Variants in CFAP92 observed in about 807,000 individuals in gnomAD.
CFAP92 encodes cilia and flagella associated protein 92 (putative).
A neutral mutation model predicts 106.3 loss-of-function variants in CFAP92; 86 were observed. The observed-to-expected ratio is 0.81, with a 90% CI of 0.68 to 0.97. The LOEUF is 0.97. Among genes scored for constraint, CFAP92 ranks in the 50% least tolerant of loss-of-function variants. The probability of loss-of-function intolerance (pLI) is 0.00; values close to 1 mark genes in which losing one functional copy is unlikely to be tolerated. For synonymous variants in CFAP92, 477 were observed against 506.4 expected (o/e 0.94, Z 0.78); for missense variants, 1,204 against 1,283.8 (o/e 0.94, Z 0.95).
the CFAP92 span, among the ~76,000 whole-genome samples, chr3:129,008,895 C>T: frequency 6.6e-6 from 1 of 152,106 alleles, no homozygotes; most frequent in South Asian, 2.1e-4. Context: ...CTGGTCTCCA[C>T]TCACATGACC....
intron 9 of CFAP92, among the ~76,000 whole-genome samples, chr3:128,948,007 T>C (rs1940402582): frequency 2.6e-5 from 4 of 152,044 alleles, no homozygotes. Context: ...TTGGACTTCA[T>C]CAAAATTAAA....
the CFAP92 span, among the ~76,000 whole-genome samples, chr3:129,009,331 C>A: frequency 4.6e-5 from 7 of 152,184 alleles, no homozygotes; most frequent in African/African-American, 1.4e-4. Context: ...CAGGTACTCA[C>A]GTAGTGTTAC....
At chr3:128,965,470 G>A (rs1489433635) in intron 9 of CFAP92, 41 bp downstream of exon 9, 6 of 398,794 alleles carry the variant, frequency 1.5e-5, no homozygotes, top group African/African-American at 2.1e-5. Flanking sequence ...GTGGGTGGAA[G>A]GGGAGGAGCT....
At chr3:129,009,345 G>A in the CFAP92 span, among the ~76,000 whole-genome samples, 6 of 152,178 alleles carry the variant, frequency 3.9e-5, no homozygotes, top group Non-Finnish European at 8.8e-5. Flanking sequence ...GTGTTACCAC[G>A]ATATACTGAA....
the CFAP92 span, among the ~76,000 whole-genome samples, chr3:129,018,657 T>C: frequency 5.3e-5 from 8 of 152,192 alleles, no homozygotes; most frequent in African/African-American, 1.2e-4. Flanking sequence ...GGATTCCTCA[T>C]GTATTCTGAG....
intron 6 of CFAP92, among the ~76,000 whole-genome samples, chr3:128,976,768 G>A (rs573486080): frequency 1.3e-5 from 2 of 152,274 alleles, no homozygotes; most frequent in Non-Finnish European, 2.9e-5. Flanking sequence ...TCATTATGAG[G>A]ATCAAATGAG....
At chr3:128,920,515 A>C (rs551450071) in intron 12 of CFAP92, among the ~76,000 whole-genome samples, 9 of 152,304 alleles carry the variant, frequency 5.9e-5, no homozygotes, top group African/African-American at 2.2e-4. Flanking sequence ...AATTGAAGAA[A>C]TCATCATTAA....
In CFAP92 at chr3:128,976,002, T is replaced by A. The variant is rs557795165; in HGVS notation, c.897-99A>T. The A allele has an allele frequency of 2.0e-5, 25 of 1,243,688 alleles. No homozygotes were observed. The East Asian group carries it at 6.5e-4, about 32-fold the overall frequency. The allele number at this position is 1,243,688 out of a possible 1,614,324, so 77.0% of individuals were successfully genotyped here. ...GATGGACTAAATGAGAGCAGATTTTTTAAAAACCTCATAGTGCATTCCTCT... is the reference window on the plus strand; with the variant it reads ...GATGGACTAAATGAGAGCAGATTTTATAAAAACCTCATAGTGCATTCCTCT... On this transcript the variant is annotated intron_variant, in intron 6 of 15. Transcript: ENST00000645291.
At chr3:128,927,943 A>G (rs890756070) in intron 12 of CFAP92, among the ~76,000 whole-genome samples, 10 of 152,184 alleles carry the variant, frequency 6.6e-5, no homozygotes, top group African/African-American at 2.4e-4. Context: ...GTTTTTCCCA[A>G]ATCAATCTAT....
At chr3:128,989,087 G>A (rs1038291008) in intron 2 of CFAP92, among the ~76,000 whole-genome samples, 169 bp from the exon 3 acceptor site, 4 of 152,106 alleles carry the variant, frequency 2.6e-5, no homozygotes, top group South Asian at 2.1e-4. Context: ...AGAGTAGCAC[G>A]ACCTGGACTG....
chr3:129,001,154 G>T (rs1944714970), intron 1 of CFAP92, among the ~76,000 whole-genome samples: 1 of 152,340 alleles, frequency 6.6e-6, no homozygotes, highest in East Asian at 1.9e-4. Context: ...CCAGCAACCG[G>T]ACGAGGCCGC....
At chr3:128,980,381 A>T (rs569647786) in intron 4 of CFAP92, among the ~76,000 whole-genome samples, 1 of 151,688 alleles carries the variant, frequency 6.6e-6, no homozygotes, top group African/African-American at 2.4e-5. Flanking sequence ...AAAAAAAAAA[A>T]AAAAAAGCTA....
intron 12 of CFAP92, among the ~76,000 whole-genome samples, chr3:128,921,322 C>T (rs1231971036): frequency 2.6e-5 from 4 of 152,202 alleles, no homozygotes; most frequent in Admixed American, 6.5e-5. Flanking sequence ...GCTGAGCACT[C>T]GGAAGGACCA....
At chr3:128,916,028 C>T (rs1936787741) in intron 13 of CFAP92, 79 bp downstream of exon 13, 1 of 1,061,796 alleles carries the variant, frequency 9.4e-7, no homozygotes. Flanking sequence ...AGATCCCCCA[C>T]TGACCTCCAG....
the CFAP92 span, among the ~76,000 whole-genome samples, chr3:129,023,850 C>T: frequency 6.6e-6 from 1 of 152,210 alleles, no homozygotes; most frequent in Non-Finnish European, 1.5e-5. Flanking sequence ...TTCCACAGGA[C>T]AAAGCTGATA....
rs565330531 is a variant in CFAP92, at chr3:128,977,922, C to T, written c.808+123G>A. On this transcript the variant is annotated intron_variant, in intron 5 of 15. Coordinates refer to ENST00000645291, the MANE Select transcript of CFAP92 (RefSeq NM_001394090.1). ...GCCGTGTGGCAGGGTGAGCCCCGCCCGCCTCTGCTGCCAATACACAGGAGG... is the reference window on the plus strand; with the variant it reads ...GCCGTGTGGCAGGGTGAGCCCCGCCTGCCTCTGCTGCCAATACACAGGAGG... 8.0e-5 allele frequency: 100 copies of T among 1,243,940 alleles called. No individual in the cohort carries two copies. The African/African-American group carries it at 1.2e-3, about 15-fold the overall frequency. The allele number at this position is 1,243,940 out of a possible 1,614,324, so 77.1% of individuals were successfully genotyped here.
At position 128,939,541 on chromosome 3, in the gene CFAP92, CCAT is replaced by C. The variant is rs369719536; in HGVS notation, c.2259-4225_2259-4223del. 4.8e-3 allele frequency among the ~76,000 whole-genome samples: 724 copies of C among 152,200 alleles called. 3 individuals are homozygous for C. Among genetic ancestry groups the C allele is most frequent in the African/African-American group, 0.016 (671 of 41,528 alleles). On this transcript the variant is annotated intron_variant, in intron 10 of 15. Coordinates refer to ENST00000645291, the MANE Select transcript of CFAP92 (RefSeq NM_001394090.1). ...CATCTATTTAGTGCAACCACCACCACCATCATCAATTTTAGAACATCTCATCAC... is the reference window on the plus strand; with the variant it reads ...CATCTATTTAGTGCAACCACCACCACCATCAATTTTAGAACATCTCATCAC...
At position 128,945,154 on chromosome 3, in the gene CFAP92, C is replaced by T; in HGVS notation, c.2175G>A (p.Leu725=). ...TGAAAAGGTGTGTCTTCCCGTCCAG[C>T]AGGTGGAAGCCAGTGAGCACATCCA... The part of the protein sequence containing the change: ...QHLDVLTGFH[L]LDGKTHLFIL... The change falls in exon 10 of 16, where the codon CTG becomes CTA. Residue 725 remains leucine (L), a synonymous_variant. Transcript: ENST00000645291. 6.5e-7 allele frequency: 1 copy of T among 1,536,152 alleles called. No homozygotes were observed. Among genetic ancestry groups the T allele is most frequent in the Non-Finnish European group, 8.7e-7 (1 of 1,146,898 alleles).
intron 12 of CFAP92, among the ~76,000 whole-genome samples, chr3:128,925,458 C>G (rs938182193): frequency 6.6e-6 from 1 of 151,964 alleles, no homozygotes; most frequent in Non-Finnish European, 1.5e-5. Context: ...GGGTTGGGGA[C>G]CCCTGCATCA....
Sources: allele counts gnomAD v4.1 joint callset (sites outside exome capture counted in the v4.1 genomes callset), GRCh38; gene constraint gnomAD v4.1.1; transcripts MANE v1.5; gene names NCBI Gene and HGNC (gene_info 2026-07-23, HGNC 2026-07-21).